Variants in CHD6 observed in about 807,000 individuals in gnomAD.
The protein encoded by CHD6 is chromodomain helicase DNA binding protein 6.
A neutral mutation model predicts 276.9 loss-of-function variants in CHD6; 50 were observed. The observed-to-expected ratio is 0.18, with a 90% confidence interval of 0.14 to 0.23. The LOEUF (loss-of-function observed/expected upper bound fraction) is 0.23, where lower values mean the gene tolerates loss of function less well. CHD6 is among the 10% of genes least tolerant of loss of function. CHD6 has a pLI of 1.00. For synonymous variants in CHD6, 1,173 were observed against 1,229.3 expected, an observed-to-expected ratio of 0.95 and a Z score of 0.96; for missense variants, 2,564 against 3,365.8, an observed-to-expected ratio of 0.76 and a Z score of 5.89.
chr20:41,507,049 C>A (rs1421019020), intron 5 of CHD6, among the ~76,000 whole-genome samples: 1 of 152,206 alleles, frequency 6.6e-6, no homozygotes, highest in Non-Finnish European at 1.5e-5. Flanking sequence ...TGACTGCTGA[C>A]TACTTTCCCC....
intron 1 of CHD6, among the ~76,000 whole-genome samples, chr20:41,614,327 T>C (rs1341296989): frequency 6.6e-6 from 1 of 152,152 alleles, no homozygotes; most frequent in Non-Finnish European, 1.5e-5. Context: ...TCTTTTGAAA[T>C]AGATAACAAA....
chr20:41,464,334 A>G (rs928948440), intron 17 of CHD6, among the ~76,000 whole-genome samples: 8 of 152,240 alleles, frequency 5.3e-5, no homozygotes, highest in African/African-American at 1.9e-4. Context: ...TTTGGCAAAT[A>G]GTATTCTGAT....
Position 41,509,658 on chromosome 20 carries a change from A to G in CHD6, c.852+3188T>C, listed in dbSNP as rs1227366009. Among the ~76,000 whole-genome samples, 5 of 152,284 alleles carry G rather than the reference A, an allele frequency of 3.3e-5. No homozygotes were observed. The East Asian group carries it at 9.7e-4, about 29-fold the overall frequency. The stretch of plus-strand genomic sequence containing the variant: ...CAAGTCCTTCTGTTCCAAAAGGCAA[A>G]ATCACACAAACCACCCAAACTGCAG... On this transcript the variant is annotated intron_variant, in intron 5 of 36. Coordinates refer to ENST00000373233, the MANE Select transcript of CHD6 (RefSeq NM_032221.5).
At chr20:41,477,237 T>C (rs1198387045) in intron 16 of CHD6, among the ~76,000 whole-genome samples, 1 of 151,934 alleles carries the variant, frequency 6.6e-6, no homozygotes, top group Non-Finnish European at 1.5e-5. Context: ...CAATACCCTG[T>C]CTCTAAATAT....
At chr20:41,572,318 T>C (rs1486953719) in intron 1 of CHD6, among the ~76,000 whole-genome samples, 2 of 152,180 alleles carry the variant, frequency 1.3e-5, no homozygotes, top group Admixed American at 6.5e-5. Context: ...TGTGGGGACA[T>C]ATGGTAGTGT....
intron 3 of CHD6, among the ~76,000 whole-genome samples, chr20:41,529,620 A>G (rs1455717572): frequency 1.3e-5 from 2 of 152,168 alleles, no homozygotes; most frequent in East Asian, 3.9e-4. Flanking sequence ...TACTGAGAGA[A>G]GGGTAAGAGC....
Position 41,482,876 on chromosome 20 carries a change from C to T in CHD6, c.2468+433G>A, listed in dbSNP as rs183358798. Among the ~76,000 whole-genome samples, 446 of 152,186 alleles carry T rather than the reference C, an allele frequency of 2.9e-3. 2 individuals carry two copies. The highest frequency in any genetic ancestry group is 2.7e-3 in the Non-Finnish European group (185 of 67,988). ...CTTGCTGAGAAAGGACATAAAATAT[C>T]CCCACATTCTTTCTCTGTGAGTTGC... On this transcript the variant is annotated intron_variant, in intron 16 of 36. Coordinates refer to ENST00000373233, the MANE Select transcript of CHD6 (RefSeq NM_032221.5).
chr20:41,450,806 C>T (rs2048215152), intron 23 of CHD6, 140 bp downstream of exon 23: 2 of 778,970 alleles, frequency 2.6e-6, no homozygotes, highest in South Asian at 3.6e-5. Context: ...CCAGCTTAGA[C>T]CACAGATAAC....
chr20:41,457,966 A>G (rs2048427348), intron 17 of CHD6, among the ~76,000 whole-genome samples: 1 of 152,198 alleles, frequency 6.6e-6, no homozygotes, highest in Admixed American at 6.5e-5. Flanking sequence ...ACATATTTCA[A>G]TACACATTTC....
chr20:41,517,862 T>C (rs1235631780), intron 3 of CHD6, among the ~76,000 whole-genome samples: 2 of 152,172 alleles, frequency 1.3e-5, no homozygotes, highest in Non-Finnish European at 2.9e-5. Flanking sequence ...AGGGTATTAC[T>C]TTTTCATACC....
chr20:41,487,126 T>G (rs973032229), intron 14 of CHD6, among the ~76,000 whole-genome samples: 31 of 152,168 alleles, frequency 2.0e-4, no homozygotes, highest in African/African-American at 7.5e-4. Flanking sequence ...TAGCTTTGAG[T>G]CCAACAAGGT....
At position 41,415,532 on chromosome 20, in the gene CHD6, G is replaced by C. The variant is rs201467827; in HGVS notation, c.6593C>G (p.Ser2198Cys). 8.7e-6 allele frequency: 14 copies of C among 1,614,188 alleles called. No individual in the cohort carries two copies. Among genetic ancestry groups the C allele is most frequent in the African/African-American group, 2.7e-5 (2 of 75,048 alleles). Residue 2198 changes from serine to cysteine, a missense_variant, in exon 34 of 37, where the codon TCT becomes TGT. Transcript: ENST00000373233. ...GATAGGGGTGTGCCCGTGGGTGGCAGAGAACTGCTCCAGGCCCCGAGCCTT... is the reference window on the plus strand; with the variant it reads ...GATAGGGGTGTGCCCGTGGGTGGCACAGAACTGCTCCAGGCCCCGAGCCTT... ...DAKARGLEQF[S>C]ATHGHTPIIL...
chr20:41,523,037 C>G (rs1038824727), intron 3 of CHD6, among the ~76,000 whole-genome samples: 2 of 152,144 alleles, frequency 1.3e-5, no homozygotes, highest in Admixed American at 1.3e-4. Flanking sequence ...CAGCTATGGG[C>G]AGCCATGATT....
chr20:41,605,104 GTGTC>G (rs2045814264), intron 1 of CHD6, among the ~76,000 whole-genome samples: 2 of 152,072 alleles, frequency 1.3e-5, no homozygotes, highest in Non-Finnish European at 2.9e-5. Flanking sequence ...AAGCATTACT[GTGTC>G]TGTAAGTAAC....
chr20:41,562,832 A>G (rs2045315793), intron 1 of CHD6, among the ~76,000 whole-genome samples: 1 of 148,512 alleles, frequency 6.7e-6, no homozygotes, highest in Non-Finnish European at 1.5e-5. Context: ...ATATGGACTT[A>G]TCAATAGTGG....
intron 1 of CHD6, among the ~76,000 whole-genome samples, chr20:41,592,524 T>A (rs879753508): frequency 2.0e-5 from 3 of 152,232 alleles, no homozygotes; most frequent in Non-Finnish European, 4.4e-5. Context: ...TTTTTAAAAG[T>A]ATTAACAATG....
At chr20:41,495,722 A>T (rs1601006538) in intron 8 of CHD6, among the ~76,000 whole-genome samples, 1 of 152,256 alleles carries the variant, frequency 6.6e-6, no homozygotes, top group Non-Finnish European at 1.5e-5. Context: ...ACATACGTTA[A>T]AACATCAAGT....
chr20:41,408,619 A>C (rs571533202), intron 36 of CHD6, among the ~76,000 whole-genome samples: 2 of 152,302 alleles, frequency 1.3e-5, no homozygotes, highest in African/African-American at 4.8e-5. Flanking sequence ...CAGGGTAACC[A>C]CAACTTGACC....
intron 27 of CHD6, among the ~76,000 whole-genome samples, chr20:41,433,348 A>T: frequency 6.6e-6 from 1 of 152,182 alleles, no homozygotes; most frequent in Non-Finnish European, 1.5e-5. Flanking sequence ...CAAAGAAAAA[A>T]TCTTGAAAGC....
Sources: allele counts gnomAD v4.1 joint callset (sites outside exome capture counted in the v4.1 genomes callset), GRCh38; gene constraint gnomAD v4.1.1; transcripts MANE v1.5; gene names NCBI Gene and HGNC (gene_info 2026-07-23, HGNC 2026-07-21).